CHSY1: variants seen among roughly 807,000 people sequenced by gnomAD.
CHSY1 encodes chondroitin sulfate synthase 1.
A neutral mutation model predicts 59.8 loss-of-function variants in CHSY1; 13 were observed. The ratio of observed to expected loss-of-function variants is 0.22; its 90% confidence interval spans 0.14 to 0.35. The LOEUF (loss-of-function observed/expected upper bound fraction) is 0.35. Among genes scored for constraint, CHSY1 ranks in the 10% least tolerant of loss-of-function variants. The pLI, the probability that CHSY1 is intolerant of heterozygous loss-of-function variation, is 1.00. For missense variants in CHSY1, 947 were observed against 1,030.6 expected (o/e 0.92, Z 1.11); for synonymous variants, 459 against 401.2 (o/e 1.14, Z -1.72).
rs200945518 is a variant in CHSY1 at position 101,238,912 on chromosome 15, A to G, written c.321-3335T>C. 4.6e-5 allele frequency among the ~76,000 whole-genome samples: 7 copies of G among 152,294 alleles called. No homozygotes were observed. The East Asian group carries it at 1.3e-3, about 29-fold the overall frequency. On this transcript the variant is annotated intron_variant, in intron 1 of 2. Coordinates refer to ENST00000254190, the MANE Select transcript of CHSY1 (RefSeq NM_014918.5). Reference sequence around the variant, plus strand: ...TAAAGAAAAACCAATCCCACCTACAAAGGGACAAGTCCTTTTGCAAATGCG... The same window carrying G: ...TAAAGAAAAACCAATCCCACCTACAGAGGGACAAGTCCTTTTGCAAATGCG...
chr15:101,215,838 A>C (rs1013876325), intron 2 of CHSY1, among the ~76,000 whole-genome samples: 14 of 152,228 alleles, frequency 9.2e-5, no homozygotes, highest in Non-Finnish European at 2.1e-4. Context: ...GGAAACATGG[A>C]ATGTGATAAT....
chr15:101,187,245 G>A (rs919734500), intron 2 of CHSY1, among the ~76,000 whole-genome samples: 3 of 152,198 alleles, frequency 2.0e-5, no homozygotes, highest in African/African-American at 2.4e-5. Flanking sequence ...TTGGGAGGCC[G>A]AGGCAGGCAG....
intron 2 of CHSY1, among the ~76,000 whole-genome samples, chr15:101,190,981 A>T (rs1469044635): frequency 6.6e-6 from 1 of 152,214 alleles, no homozygotes; most frequent in Non-Finnish European, 1.5e-5. Context: ...AGAATGCAAA[A>T]TGCTACAGGC....
chr15:101,192,952 T>C (rs1156457541), intron 2 of CHSY1, among the ~76,000 whole-genome samples: 1 of 152,208 alleles, frequency 6.6e-6, no homozygotes, highest in Non-Finnish European at 1.5e-5. Context: ...TGAAGTGAAA[T>C]AATTTATGTG....
At chr15:101,211,123 T>C (rs1023972046) in intron 2 of CHSY1, among the ~76,000 whole-genome samples, 1 of 152,100 alleles carries the variant, frequency 6.6e-6, no homozygotes, top group Admixed American at 6.5e-5. Flanking sequence ...CAGGAGTTCA[T>C]GACCAGCCTG....
chr15:101,211,893 G>A (rs534657443), intron 2 of CHSY1, among the ~76,000 whole-genome samples: 1 of 147,660 alleles, frequency 6.8e-6, no homozygotes, highest in Non-Finnish European at 1.5e-5. Flanking sequence ...TGCCAATCTG[G>A]AATTCTATAC....
chr15:101,210,178 A>T (rs2038669562), intron 2 of CHSY1, among the ~76,000 whole-genome samples: 1 of 152,258 alleles, frequency 6.6e-6, no homozygotes, highest in South Asian at 2.1e-4. Flanking sequence ...TAAACAGATT[A>T]GCCAGTACCT....
intron 2 of CHSY1, among the ~76,000 whole-genome samples, chr15:101,206,275 G>C (rs749285632): frequency 6.6e-6 from 1 of 152,154 alleles, no homozygotes; most frequent in Non-Finnish European, 1.5e-5. Flanking sequence ...GACAGACAAG[G>C]GAAAACCCAC....
intron 2 of CHSY1, chr15:101,188,319 A>C: frequency 2.7e-5 from 10 of 371,642 alleles, no homozygotes; most frequent in Non-Finnish European, 3.7e-5. Context: ...TTACATTCTC[A>C]TATGCTTCCA....
intron 2 of CHSY1, among the ~76,000 whole-genome samples, chr15:101,215,101 G>T (rs1202525324): frequency 6.6e-6 from 1 of 152,154 alleles, no homozygotes; most frequent in African/African-American, 2.4e-5. Flanking sequence ...TTCACCAGAA[G>T]CCAAGCAGAT....
intron 2 of CHSY1, among the ~76,000 whole-genome samples, chr15:101,218,216 T>C (rs1356537238): frequency 2.0e-5 from 3 of 152,226 alleles, no homozygotes; most frequent in African/African-American, 7.2e-5. Context: ...AGCCTGGAGA[T>C]ATGACAATAG....
Position 101,178,355 on chromosome 15 carries a change from T to C in CHSY1, c.1442A>G (p.Gln481Arg), listed in dbSNP as rs746714816. 3 of 1,607,982 alleles carry C rather than the reference T, an allele frequency of 1.9e-6. No homozygotes were observed. The highest frequency in any genetic ancestry group is 1.7e-6 in the Non-Finnish European group (2 of 1,175,076). The change falls in exon 3 of 3, where the codon CAG becomes CGG. Residue 481 changes from glutamine (Q) to arginine (R), a missense_variant. Gln to Arg is a conservative substitution (Grantham distance 43). This residue lies in a region of CHSY1 where 602 missense variants were observed against 676.9 expected (regional missense o/e 0.89). Coordinates refer to ENST00000254190, the MANE Select transcript of CHSY1 (RefSeq NM_014918.5). ...AYLQQTFSKIQFVEHEELDAQ... is the reference protein window; with the variant it reads ...AYLQQTFSKIRFVEHEELDAQ... ...ATCCAGCTCCTCATGCTCCACAAAC[T>C]GGATTTTGCTGAAAGTCTGCTGTAA... is the stretch of plus-strand genomic sequence containing the variant.
chr15:101,251,005 G>A (rs1005205529), intron 1 of CHSY1, 132 bp downstream of exon 1: 2 of 859,924 alleles, frequency 2.3e-6, no homozygotes, highest in African/African-American at 1.7e-5. Context: ...TCTCCCGAGA[G>A]GCAACCCGAT....
intron 2 of CHSY1, 112 bp downstream of exon 2, chr15:101,234,970 C>A: frequency 7.2e-7 from 1 of 1,380,380 alleles, no homozygotes; most frequent in East Asian, 2.3e-5. Context: ...AGAATAATAC[C>A]AACTTCAACC....
At chr15:101,201,594 A>G (rs557093437) in intron 2 of CHSY1, among the ~76,000 whole-genome samples, 1 of 152,306 alleles carries the variant, frequency 6.6e-6, no homozygotes, top group Admixed American at 6.5e-5. Context: ...AGGAGGCAGG[A>G]AGACTCCAAG....
intron 1 of CHSY1, among the ~76,000 whole-genome samples, chr15:101,237,414 G>C (rs1435833442): frequency 1.3e-5 from 2 of 152,138 alleles, no homozygotes; most frequent in East Asian, 1.9e-4. Context: ...AGCCAGAGTG[G>C]ACACAGGAAG....
intron 2 of CHSY1, among the ~76,000 whole-genome samples, chr15:101,208,690 G>C (rs1452251985): frequency 2.1e-5 from 3 of 145,062 alleles, no homozygotes; most frequent in Non-Finnish European, 3.0e-5. Context: ...TCCAGCCTGG[G>C]TGACAGAGCA....
rs1345758562 is a variant in CHSY1, at chr15:101,224,426, C to T, written c.816+10656G>A. ...GACCCAGGGCTAAATGGGATGATGT[C>T]AATTAACAAAAACATAACTTCAGTT... On this transcript the variant is annotated intron_variant, in intron 2 of 2. Transcript: ENST00000254190. 2.6e-5 allele frequency among the ~76,000 whole-genome samples: 4 copies of T among 152,200 alleles called. No homozygotes were observed. In the East Asian group the frequency reaches 7.7e-4, roughly 29 times the overall value.
intron 2 of CHSY1, 131 bp from the exon 3 acceptor site, chr15:101,179,111 C>A: frequency 1.2e-6 from 1 of 844,710 alleles, no homozygotes; most frequent in South Asian, 1.5e-5. Flanking sequence ...TAGATAAGGC[C>A]CGATCAACAG....
Sources: gnomAD v4.1 joint callset for allele counts (sites outside exome capture counted in the v4.1 genomes callset) on GRCh38, gnomAD v4.1.1 for gene constraint, gnomAD v4.1.1 regional missense constraint, MANE v1.5 for transcripts, NCBI Gene and HGNC (gene_info 2026-07-23, HGNC 2026-07-21) for gene names.